The following SEMA5A variants were observed in gnomAD, a reference collection of about 807,000 sequenced individuals.
SEMA5A encodes semaphorin 5A.
SEMA5A carries 55 observed loss-of-function variants against 135.5 expected under a neutral mutation model. The ratio of observed to expected loss-of-function variants is 0.41; its 90% CI spans 0.33 to 0.51. SEMA5A has a LOEUF of 0.51. Among genes scored for constraint, SEMA5A ranks in the 20% least tolerant of loss-of-function variants. SEMA5A has a pLI of 0.37. For missense variants in SEMA5A, 1,290 were observed against 1,419.9 expected, an observed-to-expected ratio of 0.91 and a Z score of 1.47; for synonymous variants, 580 against 546.5, an observed-to-expected ratio of 1.06 and a Z score of -0.85.
At chr5:9,530,739 C>T (rs1470302436) in intron 1 of SEMA5A, among the ~76,000 whole-genome samples, 6 of 152,096 alleles carry the variant, frequency 3.9e-5, no homozygotes, top group Admixed American at 6.6e-5. Flanking sequence ...GCAGTAGAAG[C>T]GAGGAGAGAT....
At chr5:9,483,082 CT>C (rs953691475) in intron 1 of SEMA5A, among the ~76,000 whole-genome samples, 13 of 152,130 alleles carry the variant, frequency 8.5e-5, no homozygotes, top group Admixed American at 7.9e-4. Context: ...TTCAGAAGCA[CT>C]TTAGTTTTGA....
At chr5:9,234,059 T>C (rs1006609702) in intron 6 of SEMA5A, among the ~76,000 whole-genome samples, 1 of 152,214 alleles carries the variant, frequency 6.6e-6, no homozygotes, top group African/African-American at 2.4e-5. Flanking sequence ...CAAGCAAAAC[T>C]ACAAAACAGC....
At chr5:9,515,299 T>G (rs898604987) in intron 1 of SEMA5A, among the ~76,000 whole-genome samples, 3 of 152,160 alleles carry the variant, frequency 2.0e-5, no homozygotes, top group Non-Finnish European at 4.4e-5. Context: ...TCCTACTGAA[T>G]GTATATCATG....
chr5:9,363,918 A>G (rs1377745311), intron 3 of SEMA5A, among the ~76,000 whole-genome samples: 1 of 152,234 alleles, frequency 6.6e-6, no homozygotes, highest in East Asian at 1.9e-4. Flanking sequence ...AACATGGGGC[A>G]TATGGAAGTA....
intron 5 of SEMA5A, among the ~76,000 whole-genome samples, chr5:9,254,798 G>A (rs958200008): frequency 2.0e-5 from 3 of 152,084 alleles, no homozygotes; most frequent in Admixed American, 6.6e-5. Flanking sequence ...GATCAGATGC[G>A]CAGTTTAGAA....
chr5:9,381,238 T>A (rs1369410281), intron 2 of SEMA5A, among the ~76,000 whole-genome samples: 1 of 152,214 alleles, frequency 6.6e-6, no homozygotes, highest in East Asian at 1.9e-4. Context: ...AGAAGTCAGT[T>A]TGAAGCCATT....
At chr5:9,087,474 T>C (rs895775964) in intron 16 of SEMA5A, among the ~76,000 whole-genome samples, 9 of 152,126 alleles carry the variant, frequency 5.9e-5, no homozygotes, top group Middle Eastern at 3.4e-3. Flanking sequence ...AAATGGTGAT[T>C]AAATAATTAA....
At chr5:9,316,109 T>C (rs908752469) in intron 5 of SEMA5A, among the ~76,000 whole-genome samples, 7 of 152,212 alleles carry the variant, frequency 4.6e-5, no homozygotes, top group Admixed American at 2.6e-4. Context: ...TCTTATGTTA[T>C]TCAATGTGTT....
chr5:9,227,551 A>ATT (rs10691747), intron 6 of SEMA5A, among the ~76,000 whole-genome samples: 122,511 of 141,074 alleles, frequency 0.87, 54,163 homozygotes, highest in East Asian at 0.96. Flanking sequence ...ATCTATATGA[A>ATT]TTTTTTTTTT....
intron 3 of SEMA5A, among the ~76,000 whole-genome samples, chr5:9,360,901 C>A (rs769450328): frequency 1.3e-5 from 2 of 152,126 alleles, no homozygotes; most frequent in Non-Finnish European, 2.9e-5. Flanking sequence ...GTATTAAGTT[C>A]TTTAACAGCA....
intron 5 of SEMA5A, among the ~76,000 whole-genome samples, chr5:9,295,334 A>G (rs1751283678): frequency 6.6e-6 from 1 of 152,220 alleles, no homozygotes; most frequent in African/African-American, 2.4e-5. Flanking sequence ...TGCTGATGCT[A>G]TTGACAGAGG....
chr5:9,078,855 TA>T, intron 16 of SEMA5A, among the ~76,000 whole-genome samples: 1 of 152,198 alleles, frequency 6.6e-6, no homozygotes, highest in African/African-American at 2.4e-5. Flanking sequence ...TATATTGCAT[TA>T]AAAACTCTTC....
chr5:9,245,703 A>T (rs1371333344), intron 5 of SEMA5A, among the ~76,000 whole-genome samples: 1 of 152,196 alleles, frequency 6.6e-6, no homozygotes. Context: ...CTAAAGTCTT[A>T]AAATTCTGTA....
At position 9,315,475 on chromosome 5, in the gene SEMA5A, G is replaced by A. The variant is rs548274155; in HGVS notation, c.270+2897C>T. On this transcript the variant is annotated intron_variant, in intron 5 of 22. Transcript: ENST00000382496. ...AGTTGTCCAAATAATGTCCTTTATA[G>A]TAAGAAAAAATATATCTGCTGCAAG... Among the ~76,000 whole-genome samples the A allele has an allele frequency of 2.6e-5, 4 of 152,172 alleles. No individual in the cohort carries two copies. In the East Asian group the frequency reaches 7.7e-4, roughly 29 times the overall value.
intron 15 of SEMA5A, among the ~76,000 whole-genome samples, chr5:9,109,938 G>A (rs1442057607): frequency 6.6e-6 from 1 of 152,134 alleles, no homozygotes; most frequent in Non-Finnish European, 1.5e-5. Context: ...TGGTAAGATG[G>A]AACTGTTTTC....
intron 22 of SEMA5A, among the ~76,000 whole-genome samples, chr5:9,044,144 G>A (rs922385243): frequency 1.3e-5 from 2 of 152,186 alleles, no homozygotes; most frequent in African/African-American, 4.8e-5. Flanking sequence ...TACAGGTGGT[G>A]GAGAATAGAG....
intron 5 of SEMA5A, among the ~76,000 whole-genome samples, chr5:9,292,543 T>C (rs1751137067): frequency 1.3e-5 from 2 of 152,290 alleles, no homozygotes; most frequent in South Asian, 4.1e-4. Context: ...GGTAAATAAA[T>C]GGTGAATTTC....
chr5:9,077,455 T>C (rs574676382), intron 16 of SEMA5A, among the ~76,000 whole-genome samples: 1 of 152,278 alleles, frequency 6.6e-6, no homozygotes, highest in South Asian at 2.1e-4. Flanking sequence ...ATAGAAACGT[T>C]TTGAAAAAAT....
intron 6 of SEMA5A, among the ~76,000 whole-genome samples, chr5:9,228,936 C>T (rs891521702): frequency 2.0e-5 from 3 of 152,158 alleles, no homozygotes; most frequent in South Asian, 4.1e-4. Context: ...ATCGAGACAG[C>T]GGAAATGCAT....
Sources: allele counts gnomAD v4.1 joint callset (sites outside exome capture counted in the v4.1 genomes callset), GRCh38; gene constraint gnomAD v4.1.1; transcripts MANE v1.5; gene names NCBI Gene and HGNC (gene_info 2026-07-23, HGNC 2026-07-21).